The following JCAD variants were observed in gnomAD, a reference collection of about 807,000 sequenced individuals.
The protein encoded by JCAD is junctional cadherin 5 associated.
JCAD carries 40 observed loss-of-function variants against 98.0 expected under a neutral mutation model. The ratio of observed to expected loss-of-function variants is 0.41; its 90% CI spans 0.32 to 0.53. The LOEUF is 0.53. Among genes scored for constraint, JCAD ranks in the 20% least tolerant of loss-of-function variants. The pLI is 0.31. For missense variants in JCAD, 1,705 were observed against 1,738.1 expected, an observed-to-expected ratio of 0.98 and a Z score of 0.34; for synonymous variants, 691 against 682.3, an observed-to-expected ratio of 1.01 and a Z score of -0.20.
intron 1 of JCAD, among the ~76,000 whole-genome samples, chr10:30,087,881 G>A (rs772182878): frequency 6.6e-5 from 10 of 152,156 alleles, no homozygotes; most frequent in East Asian, 1.9e-4. Context: ...TCACTCTGTC[G>A]CCAGGCTGGC....
intron 1 of JCAD, among the ~76,000 whole-genome samples, chr10:30,058,502 G>T (rs1837627757): frequency 6.6e-6 from 1 of 152,188 alleles, no homozygotes; most frequent in Admixed American, 6.5e-5. Flanking sequence ...TAAAGTTCTC[G>T]TTTTTATTTT....
chr10:30,052,162 CA>C (rs1479331601), intron 1 of JCAD, among the ~76,000 whole-genome samples: 2 of 152,194 alleles, frequency 1.3e-5, no homozygotes, highest in Admixed American at 6.5e-5. Flanking sequence ...GATCCACTGA[CA>C]TTGGGCATGG....
At chr10:30,042,150 G>A (rs1366624555) in intron 2 of JCAD, among the ~76,000 whole-genome samples, 3 of 152,162 alleles carry the variant, frequency 2.0e-5, no homozygotes, top group Non-Finnish European at 4.4e-5. Context: ...AGCTCTCTAT[G>A]GAGTCAACGA....
intron 1 of JCAD, among the ~76,000 whole-genome samples, chr10:30,073,224 T>A (rs1379854933): frequency 6.6e-6 from 1 of 152,192 alleles, no homozygotes; most frequent in Non-Finnish European, 1.5e-5. Flanking sequence ...ATGCTGCCAT[T>A]CATTGTGTGT....
intron 1 of JCAD, among the ~76,000 whole-genome samples, chr10:30,102,023 A>G (rs114193865): frequency 0.01 from 1,577 of 152,290 alleles, 23 homozygotes; most frequent in Middle Eastern, 0.054. Context: ...AGGGTAAGCT[A>G]GTACTCTACC....
At chr10:30,046,426 G>A (rs1390101266) in intron 2 of JCAD, among the ~76,000 whole-genome samples, 1 of 152,132 alleles carries the variant, frequency 6.6e-6, no homozygotes, top group Non-Finnish European at 1.5e-5. Context: ...GCCAGTGTGC[G>A]TGCAAGGAAA....
intron 1 of JCAD, among the ~76,000 whole-genome samples, chr10:30,089,101 G>T (rs1838214253): frequency 6.6e-6 from 1 of 152,148 alleles, no homozygotes; most frequent in African/African-American, 2.4e-5. Context: ...AGGTTCTATG[G>T]TGGCAATAAA....
At position 30,029,665 on chromosome 10, in the gene JCAD, C is replaced by T; in HGVS notation, c.483G>A (p.Glu161=). Residue 161 remains glutamate (E), a synonymous_variant, in exon 3 of 4, where the codon GAG becomes GAA. Transcript: ENST00000375377. Reference sequence around the variant, plus strand: ...CCCAAACTGGCTTCTTCATCACATGCTCTGACCTTCCTCCAACTTCCCATG... The same window carrying T: ...CCCAAACTGGCTTCTTCATCACATGTTCTGACCTTCCTCCAACTTCCCATG... ...EGPWEVGGRS[E]HVMKKPVWEE... is the part of the protein sequence containing the mutation. 6.2e-7 allele frequency: 1 copy of T among 1,614,248 alleles called. No individual in the cohort carries two copies. Among genetic ancestry groups the T allele is most frequent in the Non-Finnish European group, 8.5e-7 (1 of 1,180,052 alleles).
intron 1 of JCAD, among the ~76,000 whole-genome samples, chr10:30,112,330 T>G (rs995315189): frequency 6.6e-6 from 1 of 150,750 alleles, no homozygotes; most frequent in Non-Finnish European, 1.5e-5. Flanking sequence ...AAAAAAAAAA[T>G]TAGCTGGGTA....
At chr10:30,072,195 A>G (rs6481654) in intron 1 of JCAD, among the ~76,000 whole-genome samples, 45,848 of 151,852 alleles carry the variant, frequency 0.3, 7,621 homozygotes, top group African/African-American at 0.44. Flanking sequence ...GGAGAGGGAT[A>G]TAAATTAGAG....
In JCAD at chr10:30,059,225, G is replaced by A. The variant is rs184712844; in HGVS notation, c.-60+257C>T. Reference sequence around the variant, plus strand: ...CCGCGCTCCGAGCGGGGCACCTGAGGGGAGGGGACGCCCCTCCCGGGCTGG... The same window carrying A: ...CCGCGCTCCGAGCGGGGCACCTGAGAGGAGGGGACGCCCCTCCCGGGCTGG... On this transcript the variant is annotated intron_variant, in intron 1 of 3. Transcript: ENST00000375377. The surrounding 1 kb of genome is among the most constrained non-coding windows in gnomAD (Gnocchi z 5.0). Among the ~76,000 whole-genome samples the A allele has an allele frequency of 2.8e-3, 426 of 151,658 alleles. 4 individuals carry two copies. The highest frequency in any genetic ancestry group is 0.011 in the East Asian group (56 of 5,090).
intron 1 of JCAD, among the ~76,000 whole-genome samples, chr10:30,079,279 G>A (rs779799322): frequency 5.3e-5 from 8 of 150,802 alleles, no homozygotes; most frequent in Non-Finnish European, 8.8e-5. Flanking sequence ...TCCGGGAAGC[G>A]GAGCTTGCAG....
intron 1 of JCAD, among the ~76,000 whole-genome samples, chr10:30,077,573 T>G (rs1263023263): frequency 6.6e-6 from 1 of 152,244 alleles, no homozygotes; most frequent in African/African-American, 2.4e-5. Context: ...CTGTATTCAT[T>G]AAGCAATAAC....
Position 30,058,667 on chromosome 10 carries a change from T to G in JCAD, c.-60+815A>C, listed in dbSNP as rs1837633025. On this transcript the variant is annotated intron_variant, in intron 1 of 3. Coordinates refer to ENST00000375377, the MANE Select transcript of JCAD (RefSeq NM_020848.4). ...GAGGCAAACCCTGGCATTTTGGGGG[T>G]GAACGGACCCCGACTGGAGACGGGG... Among the ~76,000 whole-genome samples the G allele has an allele frequency of 2.6e-5, 4 of 151,690 alleles. No individual in the cohort carries two copies. The South Asian group carries it at 8.3e-4, about 32-fold the overall frequency.
intron 1 of JCAD, among the ~76,000 whole-genome samples, chr10:30,052,939 A>C (rs1837497889): frequency 6.6e-6 from 1 of 152,228 alleles, no homozygotes; most frequent in Non-Finnish European, 1.5e-5. Flanking sequence ...GAAAGGAAAC[A>C]AAACATTAAG....
chr10:30,107,164 G>C (rs1369973689), intron 1 of JCAD, among the ~76,000 whole-genome samples: 2 of 152,174 alleles, frequency 1.3e-5, no homozygotes, highest in Non-Finnish European at 2.9e-5. Context: ...TTGAATAGGG[G>C]CTAGGTAAAA....
At chr10:30,064,725 G>T (rs1039314430) in intron 2 of JCAD, among the ~76,000 whole-genome samples, 5 of 151,504 alleles carry the variant, frequency 3.3e-5, no homozygotes, top group Admixed American at 2.0e-4. Flanking sequence ...AGGCTAGAGT[G>T]CAGTGGTGTA....
chr10:30,110,488 G>C (rs1440142292), intron 1 of JCAD, among the ~76,000 whole-genome samples: 1 of 151,672 alleles, frequency 6.6e-6, no homozygotes, highest in Non-Finnish European at 1.5e-5. Flanking sequence ...CCTGATGTAT[G>C]CCCTCCCCGA....
chr10:30,087,891 C>T (rs987141161), intron 1 of JCAD, among the ~76,000 whole-genome samples: 1 of 152,210 alleles, frequency 6.6e-6, no homozygotes. Flanking sequence ...GCCAGGCTGG[C>T]GTGCAGTGGC....
Sources: gnomAD v4.1 joint callset for allele counts (sites outside exome capture counted in the v4.1 genomes callset) on GRCh38, gnomAD v4.1.1 for gene constraint, Gnocchi (gnomAD v3.1) non-coding constraint, MANE v1.5 for transcripts, NCBI Gene and HGNC (gene_info 2026-07-23, HGNC 2026-07-21) for gene names.